TAMM41: variants seen among roughly 807,000 people sequenced by gnomAD.
TAMM41 encodes the protein TAM41 mitochondrial translocator assembly and maintenance homolog, also known as phosphatidate cytidylyltransferase, mitochondrial.
Under a neutral mutation model 44.1 loss-of-function variants are expected in TAMM41, and 36 were observed. That is an observed-to-expected ratio of 0.82 (90% CI 0.63 to 1.08). The LOEUF is 1.08. Among genes scored for constraint, TAMM41 ranks in the 50% least tolerant of loss-of-function variants. The pLI, the probability that TAMM41 is intolerant of heterozygous loss-of-function variation, is 0.00. For missense variants in TAMM41, 417 were observed against 404.3 expected, an observed-to-expected ratio of 1.03 and a Z score of -0.27; for synonymous variants, 164 against 153.1, an observed-to-expected ratio of 1.07 and a Z score of -0.53.
chr3:11,744,226 C>G, the TAMM41 span, among the ~76,000 whole-genome samples: 53 of 152,178 alleles, frequency 3.5e-4, no homozygotes, highest in African/African-American at 1.2e-3. Context: ...CACCACCATG[C>G]CCAGCTAGTT....
At position 11,846,736 on chromosome 3, in the gene TAMM41, G is replaced by C; in HGVS notation, c.-100C>G. 1.3e-6 allele frequency: 2 copies of C among 1,482,494 alleles called. No individual in the cohort carries two copies. Among genetic ancestry groups the C allele is most frequent in the Non-Finnish European group, 1.9e-6 (2 of 1,078,756 alleles). 91.8% of individuals were successfully genotyped at this position (1,482,494 alleles called of 1,614,324 possible). A position where few individuals can be genotyped will look rare whatever the true frequency, so the allele number is the denominator to read the frequency against. On this transcript the variant is annotated 5_prime_UTR_variant, in exon 1 of 8. Coordinates refer to ENST00000455809, the MANE Select transcript of TAMM41 (RefSeq NM_001284401.2). The stretch of plus-strand genomic sequence containing the variant: ...CGGTTTAGGGTGGGAAATGGAAGTC[G>C]GAGACTGGATCGAGGGACACAAGGC...
chr3:11,726,302 A>G, the TAMM41 span, among the ~76,000 whole-genome samples: 1 of 152,236 alleles, frequency 6.6e-6, no homozygotes, highest in East Asian at 1.9e-4. Flanking sequence ...CTAGGTGACA[A>G]AGTGAGTCAT....
chr3:11,823,217 A>C (rs1382135551), intron 4 of TAMM41, among the ~76,000 whole-genome samples: 1 of 151,356 alleles, frequency 6.6e-6, no homozygotes, highest in African/African-American at 2.4e-5. Flanking sequence ...CTTGTTTTTA[A>C]ACTGGATTGT....
intron 7 of TAMM41, among the ~76,000 whole-genome samples, chr3:11,800,993 G>A (rs1372390950): frequency 6.6e-6 from 1 of 151,892 alleles, no homozygotes; most frequent in South Asian, 2.1e-4. Context: ...TCAGGAGGCT[G>A]AGGTGAGAGG....
intron 5 of TAMM41, among the ~76,000 whole-genome samples, chr3:11,813,213 T>C (rs895664891): frequency 7.2e-5 from 11 of 152,294 alleles, no homozygotes; most frequent in African/African-American, 2.6e-4. Context: ...CAGACACTGA[T>C]ATTTGAGATC....
Position 11,839,252 on chromosome 3 carries a change from G to T in TAMM41, c.381C>A (p.Asn127Lys). ...VLIEDLLNWN[N>K]LYIAGRLQKP... ...TTTGGAGTCGTCCAGCAATGTATAA[G>T]TTATTCCAGTTGAGGAGATCTTCAA... The change falls in exon 3 of 8, where the codon AAC becomes AAA. Residue 127 changes from asparagine to lysine, a missense_variant. Transcript: ENST00000455809. The T allele has an allele frequency of 6.2e-7, 1 of 1,613,612 alleles. No homozygotes were observed. The highest frequency in any genetic ancestry group is 8.5e-7 in the Non-Finnish European group (1 of 1,179,694).
chr3:11,813,270 C>T (rs1482360729), intron 5 of TAMM41, among the ~76,000 whole-genome samples: 1 of 152,160 alleles, frequency 6.6e-6, no homozygotes, highest in Admixed American at 6.5e-5. Context: ...TGGCTCACAC[C>T]AGTAATCCCA....
chr3:11,803,712 A>G (rs1273570124), intron 7 of TAMM41, among the ~76,000 whole-genome samples: 2 of 152,212 alleles, frequency 1.3e-5, no homozygotes, highest in African/African-American at 4.8e-5. Context: ...AAAAATGTGT[A>G]TATATCTACA....
At chr3:11,729,555 T>C in the TAMM41 span, among the ~76,000 whole-genome samples, 1 of 104,962 alleles carries the variant, frequency 9.5e-6, no homozygotes, top group African/African-American at 4.1e-5. Flanking sequence ...TTTTTTTTTT[T>C]TTTTTTTTTT....
rs2079719864 is a variant in TAMM41, at chr3:11,846,745, A to T, written c.-109T>A. 1.4e-6 allele frequency: 2 copies of T among 1,398,318 alleles called. No homozygotes were observed. Among genetic ancestry groups the T allele is most frequent in the South Asian group, 2.5e-5 (2 of 79,272 alleles). 86.6% of individuals were successfully genotyped at this position (1,398,318 alleles called of 1,614,324 possible). ...GTGGGAAATGGAAGTCGGAGACTGGATCGAGGGACACAAGGCTGAGTGTGG... is the reference window on the plus strand; with the variant it reads ...GTGGGAAATGGAAGTCGGAGACTGGTTCGAGGGACACAAGGCTGAGTGTGG... On this transcript the variant is annotated 5_prime_UTR_variant, in exon 1 of 8. Coordinates refer to ENST00000455809, the MANE Select transcript of TAMM41 (RefSeq NM_001284401.2).
chr3:11,734,878 C>CAAAAAAAAAA, the TAMM41 span, among the ~76,000 whole-genome samples: 271 of 73,134 alleles, frequency 3.7e-3, 7 homozygotes, highest in African/African-American at 0.011. Flanking sequence ...TACTAAAATA[C>CAAAAAAAAAA]AAAAAAAAAA....
intron 7 of TAMM41, among the ~76,000 whole-genome samples, chr3:11,796,184 G>C (rs2077600898): frequency 6.6e-6 from 1 of 152,202 alleles, no homozygotes; most frequent in African/African-American, 2.4e-5. Context: ...TGTTTACTAG[G>C]AAGGGCAGTC....
chr3:11,798,105 TA>T (rs1223656308), intron 7 of TAMM41, among the ~76,000 whole-genome samples: 1 of 152,142 alleles, frequency 6.6e-6, no homozygotes, highest in East Asian at 1.9e-4. Context: ...CTCAAAAACC[TA>T]AAAAGAGAAC....
intron 6 of TAMM41, chr3:11,808,592 A>G: frequency 1.0e-6 from 1 of 985,490 alleles, no homozygotes; most frequent in Non-Finnish European, 1.2e-6. Context: ...TACTGAATGA[A>G]AACAGGAGAA....
chr3:11,745,209 T>C, the TAMM41 span, among the ~76,000 whole-genome samples: 5 of 152,156 alleles, frequency 3.3e-5, no homozygotes, highest in Non-Finnish European at 7.4e-5. Context: ...TGCACACCTG[T>C]AGTCCCAGCT....
At chr3:11,845,863 G>A (rs1453807360) in intron 1 of TAMM41, among the ~76,000 whole-genome samples, 1 of 152,202 alleles carries the variant, frequency 6.6e-6, no homozygotes, top group Non-Finnish European at 1.5e-5. Flanking sequence ...ACAATGCCTA[G>A]TCTCAAACAG....
intron 7 of TAMM41, among the ~76,000 whole-genome samples, chr3:11,794,912 T>C (rs7629273): frequency 0.6 from 91,354 of 152,072 alleles, 29,045 homozygotes; most frequent in African/African-American, 0.79. Flanking sequence ...AGCAGATATA[T>C]CGACAAAGAA....
At chr3:11,827,666 G>A (rs2078813391) in intron 4 of TAMM41, among the ~76,000 whole-genome samples, 1 of 149,104 alleles carries the variant, frequency 6.7e-6, no homozygotes, top group African/African-American at 2.5e-5. Context: ...GGAGGGGGGT[G>A]GAGGAAAAAT....
the TAMM41 span, among the ~76,000 whole-genome samples, chr3:11,751,255 C>A: frequency 6.6e-6 from 1 of 152,010 alleles, no homozygotes; most frequent in Admixed American, 6.6e-5. Context: ...CCACACCTGG[C>A]TAATTTTTGT....
Sources: allele counts gnomAD v4.1 joint callset (sites outside exome capture counted in the v4.1 genomes callset), GRCh38; gene constraint gnomAD v4.1.1; transcripts MANE v1.5; gene names NCBI Gene and HGNC (gene_info 2026-07-23, HGNC 2026-07-21).